Variants in SLFNL1 observed in about 807,000 individuals in gnomAD.
The protein encoded by SLFNL1 is schlafen-like protein 1.
Under a neutral mutation model 32.5 loss-of-function variants are expected in SLFNL1, and 26 were observed. The observed-to-expected ratio is 0.80, with a 90% confidence interval of 0.59 to 1.11. The LOEUF is 1.11. Ranked by LOEUF, SLFNL1 falls within the 50% of genes least tolerant of loss-of-function variation. The pLI is 0.00. For synonymous variants in SLFNL1, 255 were observed against 242.2 expected (o/e 1.05, Z -0.49); for missense variants, 553 against 546.5 (o/e 1.01, Z -0.12).
Position 41,020,776 on chromosome 1 carries a change from C to T in SLFNL1, c.-116G>A. 2 of 932,546 alleles carry T rather than the reference C, an allele frequency of 2.1e-6. No homozygotes were observed. Among genetic ancestry groups the T allele is most frequent in the Non-Finnish European group, 3.2e-6 (2 of 628,230 alleles). The allele number at this position is 932,546 out of a possible 1,614,324, so 57.8% of individuals were successfully genotyped here. On this transcript the variant is annotated splice_region_variant and 5_prime_UTR_variant, in exon 3 of 6. Transcript: ENST00000302946. Reference sequence around the variant, plus strand: ...CCAGAGGACTCAGGGAGTGTCCCGGCTCCTGGGAGGTACACAGATTGGCAG... The same window carrying T: ...CCAGAGGACTCAGGGAGTGTCCCGGTTCCTGGGAGGTACACAGATTGGCAG...
At position 41,017,908 on chromosome 1, in the gene SLFNL1, C is replaced by T; in HGVS notation, c.684G>A (p.Lys228=). 6.2e-7 allele frequency: 1 copy of T among 1,612,574 alleles called. No homozygotes were observed. The highest frequency in any genetic ancestry group is 1.1e-5 in the South Asian group (1 of 91,062). The change falls in exon 4 of 6, where the codon AAG becomes AAA. Residue 228 remains lysine, a synonymous_variant. Transcript: ENST00000302946. This position sits in a 1 kb window ranked among gnomAD's most constrained non-coding sequence, Gnocchi z 4.9. ...GGCTGAGGTACTCGCCGCTACCCCG[C>T]TTGAACTCCATATTGCGGGTCTCGC... ...LGSETRNMEF[K]RGSGEYLSLA...
chr1:41,017,424 G>T lies in SLFNL1; in HGVS notation c.958-47C>A. On this transcript the variant is annotated intron_variant, in intron 4 of 5. Coordinates refer to ENST00000302946, the MANE Select transcript of SLFNL1 (RefSeq NM_144990.4). The surrounding 1 kb of genome is among the most constrained non-coding windows in gnomAD (Gnocchi z 4.9). ...TCTGGAGGCGCCGCCCCTCACGGTC[G>T]GCAGCCCCCATCCTGCCAGGCTGCT... is the stretch of plus-strand genomic sequence containing the variant. The T allele has an allele frequency of 1.3e-6, 2 of 1,589,098 alleles. No homozygotes were observed. The highest frequency in any genetic ancestry group is 8.6e-7 in the Non-Finnish European group (1 of 1,167,048).
chr1:41,018,423 G>T (rs1643533744), intron 3 of SLFNL1: 1 of 409,996 alleles, frequency 2.4e-6, no homozygotes, highest in East Asian at 3.7e-5. Flanking sequence ...GATGCCTGGT[G>T]GGGAAGAAGA....
rs1643480593 is a variant in SLFNL1, at chr1:41,017,838, TGAGG to T, written c.750_753del (p.Phe250LeufsTer12). The stretch of plus-strand genomic sequence containing the variant: ...ACGAGCAGGCTGCCGCCCTCGCTGT[TGAGG>T]AAGGCGCACACGTAGCGCCGCACGT... On this transcript the variant is annotated frameshift_variant, in exon 4 of 6. Coordinates refer to ENST00000302946, the MANE Select transcript of SLFNL1 (RefSeq NM_144990.4). LOFTEE classifies it high-confidence loss of function. This position sits in a 1 kb window ranked among gnomAD's most constrained non-coding sequence, Gnocchi z 4.9. The T allele has an allele frequency of 6.3e-7, 1 of 1,599,562 alleles. No homozygotes were observed. The highest frequency in any genetic ancestry group is 1.7e-4 in the Middle Eastern group (1 of 6,000).
In SLFNL1 at chr1:41,017,156, C is replaced by T. The variant is rs369980541; in HGVS notation, c.1101+78G>A. ...ACCCAGGGAACCATGGTGGCTTGCC[C>T]TGGGCTGCTCAGTGGGTGGCTGAAG... is the stretch of plus-strand genomic sequence containing the variant. On this transcript the variant is annotated intron_variant, in intron 5 of 5. Coordinates refer to ENST00000302946, the MANE Select transcript of SLFNL1 (RefSeq NM_144990.4). This position sits in a 1 kb window ranked among gnomAD's most constrained non-coding sequence, Gnocchi z 4.9. 24 of 1,477,486 alleles carry T rather than the reference C, an allele frequency of 1.6e-5. No individual in the cohort carries two copies. In the East Asian group the frequency reaches 3.7e-4, roughly 23 times the overall value. 91.5% of individuals were successfully genotyped at this position (1,477,486 alleles called of 1,614,324 possible). A position where few individuals can be genotyped will look rare whatever the true frequency, so the allele number is the denominator to read the frequency against.
chr1:41,017,862 G>T lies in SLFNL1; in HGVS notation c.730C>A (p.Arg244=). 3 of 1,605,774 alleles carry T rather than the reference G, an allele frequency of 1.9e-6. No homozygotes were observed. The highest frequency in any genetic ancestry group is 1.3e-5 in the African/African-American group (1 of 74,920). The change falls in exon 4 of 6, where the codon CGG becomes AGG. Residue 244 remains arginine, a synonymous_variant. Transcript: ENST00000302946. The surrounding 1 kb of genome is among the most constrained non-coding windows in gnomAD (Gnocchi z 4.9). ...TTGAGGAAGGCGCACACGTAGCGCC[G>T]CACGTGGTGCTTGAAGGCCAGGCTG... ...YLSLAFKHHV[R]RYVCAFLNSE...
Position 41,018,114 on chromosome 1 carries a change from G to A in SLFNL1, c.478C>T (p.Pro160Ser). ...EEEDSGLSPG[P>S]SPGSGVPLPT... ...AGCGGGACACCAGAGCCTGGACTGG[G>A]GCCAGGGCTCAGGCCACTGTCCTCC... The change falls in exon 4 of 6, where the codon CCC (proline) becomes TCC (serine). Residue 160 changes from proline to serine, a missense_variant. By Grantham distance (74) the Pro-to-Ser change is moderately conservative (BLOSUM62 -1). Coordinates refer to ENST00000302946, the MANE Select transcript of SLFNL1 (RefSeq NM_144990.4). 1 of 1,536,010 alleles carries A rather than the reference G, an allele frequency of 6.5e-7. No individual in the cohort carries two copies. The highest frequency in any genetic ancestry group is 8.8e-7 in the Non-Finnish European group (1 of 1,134,772).
In SLFNL1 at chr1:41,017,218, G is replaced by A; in HGVS notation, c.1101+16C>T. 1.3e-6 allele frequency: 2 copies of A among 1,545,166 alleles called. No homozygotes were observed. Among genetic ancestry groups the A allele is most frequent in the Admixed American group, 3.9e-5 (2 of 51,486 alleles). The stretch of plus-strand genomic sequence containing the variant: ...CAGCTCCGCTCCACCCCACCCACTG[G>A]CCTCAGCTTCCGTACCTGCCTGCAC... On this transcript the variant is annotated intron_variant, in intron 5 of 5. Coordinates refer to ENST00000302946, the MANE Select transcript of SLFNL1 (RefSeq NM_144990.4). This position sits in a 1 kb window ranked among gnomAD's most constrained non-coding sequence, Gnocchi z 4.9.
In SLFNL1 at chr1:41,017,519, C is replaced by G; in HGVS notation, c.957+116G>C. 1 of 1,489,640 alleles carries G rather than the reference C, an allele frequency of 6.7e-7. No homozygotes were observed. The highest frequency in any genetic ancestry group is 8.9e-7 in the Non-Finnish European group (1 of 1,118,572). The allele number at this position is 1,489,640 out of a possible 1,614,324, so 92.3% of individuals were successfully genotyped here. On this transcript the variant is annotated intron_variant, in intron 4 of 5. Transcript: ENST00000302946. This position sits in a 1 kb window ranked among gnomAD's most constrained non-coding sequence, Gnocchi z 4.9. ...ACAGGGGCCATCCCCAGCCTCTTCT[C>G]CTGTGGCCCCCAGTCCCGTCCCTGC...
rs1558188060 is a variant in SLFNL1 at position 41,016,191 on chromosome 1, A to C, written c.1139T>G (p.Met380Arg). The C allele has an allele frequency of 6.2e-7, 1 of 1,613,984 alleles. No homozygotes were observed. The highest frequency in any genetic ancestry group is 8.5e-7 in the Non-Finnish European group (1 of 1,179,944). The change falls in exon 6 of 6, where the codon ATG becomes AGG. Residue 380 changes from methionine (M) to arginine (R), a missense_variant. Coordinates refer to ENST00000302946, the MANE Select transcript of SLFNL1 (RefSeq NM_144990.4). ...LVELGKLEEK[M>R]KALMMEKEQL... ...CTCCTTCTCCATCATCAGCGCCTTC[A>C]TCTTCTCTTCCAGCTTGCCCAGCTC...
In SLFNL1 at chr1:41,020,747, G is replaced by T; in HGVS notation, c.-87C>A. ...TCTGTGTTCTCAGTGTGGCTTAAGGGCTCCCAGAGGACTCAGGGAGTGTCC... is the reference window on the plus strand; with the variant it reads ...TCTGTGTTCTCAGTGTGGCTTAAGGTCTCCCAGAGGACTCAGGGAGTGTCC... On this transcript the variant is annotated 5_prime_UTR_variant, in exon 3 of 6. Transcript: ENST00000302946. The T allele has an allele frequency of 1.6e-6, 2 of 1,264,118 alleles. No individual in the cohort carries two copies. The highest frequency in any genetic ancestry group is 2.2e-6 in the Non-Finnish European group (2 of 909,266). The allele number at this position is 1,264,118 out of a possible 1,614,324, so 78.3% of individuals were successfully genotyped here. A position where few individuals can be genotyped will look rare whatever the true frequency, so the allele number is the denominator to read the frequency against.
At chr1:41,019,061 C>T (rs1256909348) in intron 3 of SLFNL1, among the ~76,000 whole-genome samples, 31 of 151,924 alleles carry the variant, frequency 2.0e-4, no homozygotes, top group Admixed American at 2.0e-3. Flanking sequence ...ATCTCCTGAC[C>T]TCGTGATCTG....
chr1:41,017,367 A>C lies in SLFNL1; in HGVS notation c.968T>G (p.Leu323Arg). The change falls in exon 5 of 6, where the codon CTG becomes CGG. Residue 323 changes from leucine to arginine, a missense_variant. By Grantham distance (102) the Leu-to-Arg change is moderately radical (BLOSUM62 -2). Transcript: ENST00000302946. This position sits in a 1 kb window ranked among gnomAD's most constrained non-coding sequence, Gnocchi z 4.9. ...ETSVPLKVIR[L>R]TVHTPKAQSQ... ...CTGGGCCTTGGGGGTGTGCACGGTC[A>C]GGCGGATCACCTTGGTAGGGGCAAC... 2 of 1,613,216 alleles carry C rather than the reference A, an allele frequency of 1.2e-6. No individual in the cohort carries two copies. Among genetic ancestry groups the C allele is most frequent in the Non-Finnish European group, 8.5e-7 (1 of 1,179,720 alleles).
At chr1:41,016,293 C>G in intron 5 of SLFNL1, 65 bp from the exon 6 acceptor site, 3 of 1,567,880 alleles carry the variant, frequency 1.9e-6, no homozygotes, top group Admixed American at 3.6e-5. Context: ...CGTCCTCCAC[C>G]TGGGGCCAAA....
Position 41,017,060 on chromosome 1 carries a change from C to A in SLFNL1, c.1101+174G>T. ...CTTGGGCCTCTTCCTTCCCACCAGC[C>A]ACCTACCCGCGGAGTATGGGATGTG... On this transcript the variant is annotated intron_variant, in intron 5 of 5. Transcript: ENST00000302946. This position sits in a 1 kb window ranked among gnomAD's most constrained non-coding sequence, Gnocchi z 4.9. 1.3e-6 allele frequency: 1 copy of A among 745,154 alleles called. No homozygotes were observed. The highest frequency in any genetic ancestry group is 2.0e-6 in the Non-Finnish European group (1 of 495,940). The allele number at this position is 745,154 out of a possible 1,614,324, so 46.2% of individuals were successfully genotyped here.
chr1:41,020,068 C>T (rs1402855676), intron 3 of SLFNL1, among the ~76,000 whole-genome samples, 158 bp downstream of exon 3: 4 of 152,220 alleles, frequency 2.6e-5, no homozygotes, highest in African/African-American at 4.8e-5. Flanking sequence ...CAGTACCAGC[C>T]GCAAGCCATG....
chr1:41,021,693 C>T lies in SLFNL1; in HGVS notation c.-196G>A, dbSNP rs1571048341. 6.6e-6 allele frequency: 1 copy of T among 152,408 alleles called. No homozygotes were observed. Among genetic ancestry groups the T allele is most frequent in the East Asian group, 1.9e-4 (1 of 5,156 alleles). The allele number at this position is 152,408 out of a possible 1,614,324, so 9.4% of individuals were successfully genotyped here. A position where few individuals can be genotyped will look rare whatever the true frequency, so the allele number is the denominator to read the frequency against. On this transcript the variant is annotated 5_prime_UTR_variant, in exon 1 of 6. Transcript: ENST00000302946. ...CTGAGCTCCCATAGCCTCCCGACCC[C>T]TGGCCGGTAGCTCTCAGGGAACTTG...
intron 3 of SLFNL1, 114 bp downstream of exon 3, chr1:41,020,112 T>A (rs1462627016): frequency 8.9e-7 from 1 of 1,124,880 alleles, no homozygotes; most frequent in Non-Finnish European, 1.3e-6. Flanking sequence ...GTTTGCAGAT[T>A]TGTCCCTGCT....
chr1:41,019,990 C>T (rs546815062), intron 3 of SLFNL1, among the ~76,000 whole-genome samples: 3 of 152,350 alleles, frequency 2.0e-5, no homozygotes, highest in Admixed American at 6.5e-5. Flanking sequence ...GAGGTCCCCT[C>T]GTGGCCTTTC....
Sources: allele counts gnomAD v4.1 joint callset (sites outside exome capture counted in the v4.1 genomes callset), GRCh38; gene constraint gnomAD v4.1.1; non-coding constraint Gnocchi (gnomAD v3.1); transcripts MANE v1.5; gene names NCBI Gene and HGNC (gene_info 2026-07-23, HGNC 2026-07-21).